The following TCF7L2 variants were observed in gnomAD, a reference collection of about 807,000 sequenced individuals.
TCF7L2 encodes transcription factor 7 like 2.
In TCF7L2, 23 loss-of-function variants were observed where a neutral mutation model predicts 77.9. The observed-to-expected ratio is 0.30, with a 90% CI of 0.21 to 0.42. TCF7L2 has a LOEUF of 0.42. Among genes scored for constraint, TCF7L2 ranks in the 10% least tolerant of loss-of-function variants. TCF7L2 has a pLI of 1.00. For missense variants in TCF7L2, 654 were observed against 793.1 expected (o/e 0.82, Z 2.11); for synonymous variants, 413 against 340.2 (o/e 1.21, Z -2.36).
chr10:113,064,655 G>C (rs914716991), intron 5 of TCF7L2, among the ~76,000 whole-genome samples: 2 of 152,190 alleles, frequency 1.3e-5, no homozygotes, highest in Non-Finnish European at 2.9e-5. Flanking sequence ...ATGCGATAAT[G>C]ATGCCATAAG....
At chr10:113,031,480 CT>C (rs57567068) in intron 4 of TCF7L2, among the ~76,000 whole-genome samples, 37,843 of 134,776 alleles carry the variant, frequency 0.28, 5,226 homozygotes, top group African/African-American at 0.43. Flanking sequence ...ACTGTGCAAC[CT>C]TTTTTTTTTT....
intron 5 of TCF7L2, among the ~76,000 whole-genome samples, chr10:113,053,874 A>T (rs531334320): frequency 6.6e-6 from 1 of 152,322 alleles, no homozygotes; most frequent in South Asian, 2.1e-4. Flanking sequence ...TGAGGGGAGG[A>T]TGACGTACTC....
chr10:112,971,711 C>T (rs1040416171), intron 4 of TCF7L2, among the ~76,000 whole-genome samples: 2 of 151,766 alleles, frequency 1.3e-5, no homozygotes, highest in Non-Finnish European at 2.9e-5. Flanking sequence ...TTCCCGGGTT[C>T]AAGCAATTCT....
intron 5 of TCF7L2, among the ~76,000 whole-genome samples, chr10:113,128,865 A>G (rs2066090454): frequency 6.6e-6 from 1 of 152,150 alleles, no homozygotes; most frequent in Non-Finnish European, 1.5e-5. Context: ...GGATCCCATA[A>G]GAGCCCCAGG....
rs147841589 is a variant in TCF7L2 at position 112,961,475 on chromosome 10, A to G, written c.382-3081A>G. 6.2e-3 allele frequency among the ~76,000 whole-genome samples: 945 copies of G among 152,262 alleles called. 10 individuals carry two copies. Among genetic ancestry groups the G allele is most frequent in the African/African-American group, 0.022 (910 of 41,518 alleles). The stretch of plus-strand genomic sequence containing the variant: ...AATGATTGTTCCAGTTTAGAATGCC[A>G]GGAGTTTACTGGGTGTTTGTATTTT... On this transcript the variant is annotated intron_variant, in intron 3 of 13. Transcript: ENST00000627217.
intron 4 of TCF7L2, among the ~76,000 whole-genome samples, chr10:113,004,920 C>T (rs1402235334): frequency 3.3e-5 from 5 of 152,116 alleles, no homozygotes; most frequent in Non-Finnish European, 7.3e-5. Context: ...GCAATCCGCC[C>T]GCCTCGGCCT....
At chr10:112,962,415 G>C (rs980885950) in intron 3 of TCF7L2, among the ~76,000 whole-genome samples, 1 of 152,046 alleles carries the variant, frequency 6.6e-6, no homozygotes, top group Admixed American at 6.6e-5. Context: ...CTACTTTCTG[G>C]CCAAGAATTC....
rs2134177601 is a variant in TCF7L2, at chr10:112,950,849, C to A, written c.93C>A (p.Ser31Arg). ...ACGAGGGCGAACAGGAGGAGAAGAG[C>A]TCCGAAAACTCCTCGGCAGAGAGGG... Residue 31 changes from serine to arginine, a missense_variant, in exon 1 of 14, where the codon AGC becomes AGA. By Grantham distance (110) the Ser-to-Arg change is moderately radical. Around this residue, in one of 6 missense-constraint regions of TCF7L2, gnomAD observed 37 missense variants for 48.1 expected, o/e 0.77. Transcript: ENST00000627217. 1.2e-6 allele frequency: 2 copies of A among 1,609,502 alleles called. No homozygotes were observed. Among genetic ancestry groups the A allele is most frequent in the Non-Finnish European group, 1.7e-6 (2 of 1,178,040 alleles).
At chr10:112,995,375 C>A (rs1013923648) in intron 4 of TCF7L2, among the ~76,000 whole-genome samples, 1 of 152,124 alleles carries the variant, frequency 6.6e-6, no homozygotes, top group African/African-American at 2.4e-5. Context: ...GGCTGGAGTT[C>A]GTTGCTTGGT....
At chr10:113,082,356 C>T (rs182899091) in intron 5 of TCF7L2, among the ~76,000 whole-genome samples, 1 of 151,190 alleles carries the variant, frequency 6.6e-6, no homozygotes, top group East Asian at 1.9e-4. Flanking sequence ...TATCTTTACC[C>T]ATTTTTCCCT....
intron 4 of TCF7L2, among the ~76,000 whole-genome samples, chr10:113,008,976 C>G (rs576971732): frequency 1.3e-5 from 2 of 152,272 alleles, no homozygotes; most frequent in African/African-American, 4.8e-5. Context: ...GAGTCTTGCT[C>G]TGTTGCCCAG....
intron 4 of TCF7L2, among the ~76,000 whole-genome samples, chr10:112,981,272 T>G (rs1408089479): frequency 5.3e-5 from 8 of 149,640 alleles, no homozygotes; most frequent in African/African-American, 2.0e-4. Context: ...GCATCAATAA[T>G]GTGATGGGCC....
chr10:113,126,539 AAAG>A (rs1323475479), intron 5 of TCF7L2: 2 of 984,850 alleles, frequency 2.0e-6, no homozygotes, highest in Non-Finnish European at 2.4e-6. Flanking sequence ...TGGGGGAAAA[AAAG>A]AAGAGTAAGA....
At chr10:113,080,202 A>G (rs1219692054) in intron 5 of TCF7L2, among the ~76,000 whole-genome samples, 1 of 151,874 alleles carries the variant, frequency 6.6e-6, no homozygotes, top group Admixed American at 6.6e-5. Context: ...AAGACAGCCA[A>G]AGTTTTGGGT....
intron 5 of TCF7L2, among the ~76,000 whole-genome samples, chr10:113,064,720 T>TAAA (rs889035485): frequency 6.6e-6 from 1 of 152,240 alleles, no homozygotes; most frequent in Non-Finnish European, 1.5e-5. Context: ...TCACGGCATA[T>TAAA]AAAACTACCA....
chr10:113,092,180 T>G (rs1431169119), intron 5 of TCF7L2, among the ~76,000 whole-genome samples: 1 of 152,208 alleles, frequency 6.6e-6, no homozygotes, highest in South Asian at 2.1e-4. Flanking sequence ...CTGGCGCCAG[T>G]GACTGAGCAT....
Position 113,151,752 on chromosome 10 carries a change from A to G in TCF7L2, c.1029A>G (p.Glu343=). 1 of 1,604,296 alleles carries G rather than the reference A, an allele frequency of 6.2e-7. No homozygotes were observed. Among genetic ancestry groups the G allele is most frequent in the South Asian group, 1.1e-5 (1 of 88,830 alleles). Residue 343 remains glutamate, a synonymous_variant, in exon 10 of 14, where the codon GAA becomes GAG. Coordinates refer to ENST00000627217, the MANE Select transcript of TCF7L2 (RefSeq NM_001146274.2). The surrounding 1 kb of genome is among the most constrained non-coding windows in gnomAD (Gnocchi z 5.2). ...AGCATCAGGACTCCAAAAAGGAAGA[A>G]GAAAAGAAGAAGCCCCACATAAAGA...
chr10:113,083,639 G>C (rs1203832786), intron 5 of TCF7L2, among the ~76,000 whole-genome samples: 2 of 152,198 alleles, frequency 1.3e-5, no homozygotes, highest in African/African-American at 4.8e-5. Flanking sequence ...AAGGTTACGC[G>C]TGTGTACGTG....
In TCF7L2 at chr10:112,970,635, G is replaced by A. The variant is rs141191403; in HGVS notation, c.450+6011G>A. Among the ~76,000 whole-genome samples, 307 of 152,138 alleles carry A rather than the reference G, an allele frequency of 2.0e-3. 9 individuals are homozygous for A. The highest frequency in any genetic ancestry group is 3.5e-3 in the Admixed American group (53 of 15,274). On this transcript the variant is annotated intron_variant, in intron 4 of 13. Transcript: ENST00000627217. ...AGCATGGCCAGAAATTAGTACCAGC[G>A]GACTGGCCCAGCATTGAAGAATGAG... is the stretch of plus-strand genomic sequence containing the variant.
Sources: allele counts gnomAD v4.1 joint callset (sites outside exome capture counted in the v4.1 genomes callset), GRCh38; gene constraint gnomAD v4.1.1; regional missense constraint gnomAD v4.1.1; non-coding constraint Gnocchi (gnomAD v3.1); transcripts MANE v1.5; gene names NCBI Gene and HGNC (gene_info 2026-07-23, HGNC 2026-07-21).